EXPH5: variants seen among roughly 807,000 people sequenced by gnomAD.
The protein encoded by EXPH5 is exophilin 5, also known as exophilin-5.
In EXPH5, 42 loss-of-function variants were observed where a neutral mutation model predicts 41.1. That is an observed-to-expected ratio of 1.02 (90% CI 0.80 to 1.32). EXPH5 has a LOEUF of 1.32. Among genes scored for constraint, EXPH5 ranks in the 40% most tolerant of loss-of-function variants. EXPH5 has a pLI of 0.00. For synonymous variants in EXPH5, 798 were observed against 833.5 expected (o/e 0.96, Z 0.73); for missense variants, 2,298 against 2,314.5 (o/e 0.99, Z 0.15).
In EXPH5 at chr11:108,512,913, T is replaced by C. The variant is rs541619389; in HGVS notation, c.2594A>G (p.Lys865Arg). The C allele has an allele frequency of 1.2e-6, 2 of 1,613,664 alleles. No individual in the cohort carries two copies. Among genetic ancestry groups the C allele is most frequent in the Non-Finnish European group, 1.7e-6 (2 of 1,179,800 alleles). ...DTQNAQYSKC[K>R]LTPGHKTSCD... is the part of the protein sequence containing the mutation. ...CGAGGTCTTGTGGCCAGGAGTTAAC[T>C]TGCATTTTGAGTATTGTGCATTTTG... The change falls in exon 6 of 6, where the codon AAG becomes AGG. Residue 865 changes from lysine (K) to arginine (R), a missense_variant. By Grantham distance (26) the Lys-to-Arg change is conservative. Coordinates refer to ENST00000265843, the MANE Select transcript of EXPH5 (RefSeq NM_015065.3).
chr11:108,580,455 G>A (rs1320659739), intron 1 of EXPH5, among the ~76,000 whole-genome samples: 1 of 152,170 alleles, frequency 6.6e-6, no homozygotes, highest in Non-Finnish European at 1.5e-5. Flanking sequence ...TACACTGTTG[G>A]TGGGGAATGC....
the EXPH5 span, among the ~76,000 whole-genome samples, chr11:108,607,447 C>A: frequency 6.6e-6 from 1 of 152,156 alleles, no homozygotes; most frequent in Non-Finnish European, 1.5e-5. Context: ...ATCAGAGCAT[C>A]AAACAATTGG....
At chr11:108,535,676 T>C (rs2093874994) in intron 3 of EXPH5, among the ~76,000 whole-genome samples, 1 of 152,232 alleles carries the variant, frequency 6.6e-6, no homozygotes, top group South Asian at 2.1e-4. Context: ...TTTTTACTTA[T>C]GTAATCTAGA....
chr11:108,511,878 G>C lies in EXPH5; in HGVS notation c.3629C>G (p.Pro1210Arg). ...TGACAAGTCTGAGCAAAAAGGTAAA[G>C]GGTCTTCATTTGAAAGAGCAAATAC... is the stretch of plus-strand genomic sequence containing the variant. ...RSVFALSNED[P>R]LPFCSDLSGK... The change falls in exon 6 of 6, where the codon CCT becomes CGT. Residue 1210 changes from proline to arginine, a missense_variant. Transcript: ENST00000265843. The C allele has an allele frequency of 1.3e-6, 2 of 1,589,006 alleles. No homozygotes were observed. The highest frequency in any genetic ancestry group is 1.7e-4 in the Middle Eastern group (1 of 5,900).
chr11:108,573,060 T>C (rs1236732734), intron 1 of EXPH5, among the ~76,000 whole-genome samples: 2 of 112,144 alleles, frequency 1.8e-5, no homozygotes, highest in African/African-American at 6.8e-5. Context: ...AAAAAAATGT[T>C]GAAAAAAATA....
intron 1 of EXPH5, among the ~76,000 whole-genome samples, chr11:108,553,804 G>A (rs1419491912): frequency 6.6e-6 from 1 of 152,176 alleles, no homozygotes; most frequent in Non-Finnish European, 1.5e-5. Context: ...ATAAGTGCAA[G>A]ATGTGATCCT....
intron 1 of EXPH5, among the ~76,000 whole-genome samples, chr11:108,566,435 GTTTGT>G (rs1315939315): frequency 1.3e-5 from 2 of 152,076 alleles, no homozygotes; most frequent in Admixed American, 6.5e-5. Flanking sequence ...TTTTTGTTTT[GTTTGT>G]TTTAAGTGGT....
chr11:108,514,167 T>C lies in EXPH5; in HGVS notation c.1340A>G (p.Asn447Ser). 3.7e-6 allele frequency: 6 copies of C among 1,614,076 alleles called. No individual in the cohort carries two copies. Among genetic ancestry groups the C allele is most frequent in the Non-Finnish European group, 5.1e-6 (6 of 1,179,980 alleles). Reference sequence around the variant, plus strand: ...GTTGCTTTGATGGTAGAATGGCATGTTCTCTGAGTTCTCAAAAGTGTCGGG... The same window carrying C: ...GTTGCTTTGATGGTAGAATGGCATGCTCTCTGAGTTCTCAAAAGTGTCGGG... Reference protein sequence around the residue: ...MSPDTFENSENMPFYHQSNTF... With the variant: ...MSPDTFENSESMPFYHQSNTF... Residue 447 changes from asparagine to serine, a missense_variant, in exon 6 of 6, where the codon AAC becomes AGC. Physicochemically the swap from Asn to Ser is conservative, Grantham distance 46. Coordinates refer to ENST00000265843, the MANE Select transcript of EXPH5 (RefSeq NM_015065.3).
chr11:108,571,483 C>T (rs990083210), intron 1 of EXPH5, among the ~76,000 whole-genome samples: 1 of 152,146 alleles, frequency 6.6e-6, no homozygotes, highest in Non-Finnish European at 1.5e-5. Context: ...AGAATTCCGC[C>T]TGCTTTTTCT....
chr11:108,530,781 G>A (rs2093832417), intron 3 of EXPH5, among the ~76,000 whole-genome samples: 1 of 152,136 alleles, frequency 6.6e-6, no homozygotes, highest in Non-Finnish European at 1.5e-5. Flanking sequence ...AGCACAGCTG[G>A]GATGCTACCA....
intron 1 of EXPH5, among the ~76,000 whole-genome samples, chr11:108,585,262 C>T (rs374419293): frequency 1.1e-4 from 17 of 152,160 alleles, no homozygotes; most frequent in Admixed American, 2.0e-4. Flanking sequence ...CAAATGCTGG[C>T]AAGACTAAAG....
At chr11:108,558,297 C>G (rs1293455782) in intron 1 of EXPH5, among the ~76,000 whole-genome samples, 4 of 152,158 alleles carry the variant, frequency 2.6e-5, no homozygotes, top group African/African-American at 9.7e-5. Context: ...ACTATGTTGC[C>G]CTGGCTAGCC....
At chr11:108,518,523 T>C in intron 4 of EXPH5, 150 bp from the exon 5 acceptor site, 1 of 729,420 alleles carries the variant, frequency 1.4e-6, no homozygotes, top group African/African-American at 1.8e-5. Flanking sequence ...ATTTATAATG[T>C]GTTGTTTTTG....
chr11:108,533,149 A>G (rs763136220), intron 3 of EXPH5, among the ~76,000 whole-genome samples: 15 of 151,710 alleles, frequency 9.9e-5, no homozygotes, highest in Admixed American at 2.6e-4. Context: ...TTTCATCTCT[A>G]CTTCTTTCTC....
chr11:108,593,550 T>A lies in EXPH5; in HGVS notation c.-14A>T, dbSNP rs774209136. On this transcript the variant is annotated 5_prime_UTR_variant, in exon 1 of 6. Coordinates refer to ENST00000265843, the MANE Select transcript of EXPH5 (RefSeq NM_015065.3). ...AACTTTCGTCATTTTCTTTACTGTG[T>A]GTGAGTTACACTTAAGCTCCTTGGC... 19 of 1,614,080 alleles carry A rather than the reference T, an allele frequency of 1.2e-5. No homozygotes were observed. In the African/African-American group the frequency reaches 2.4e-4, roughly 20 times the overall value.
Position 108,525,222 on chromosome 11 carries a change from T to A in EXPH5, c.492+2914A>T, listed in dbSNP as rs901261204. On this transcript the variant is annotated intron_variant, in intron 4 of 5. Transcript: ENST00000265843. ...TCTTTAAATTACCCAGTCTTGGGTATCTCTTTATCAGCAGCATGAAAACAA... is the reference window on the plus strand; with the variant it reads ...TCTTTAAATTACCCAGTCTTGGGTAACTCTTTATCAGCAGCATGAAAACAA... Among the ~76,000 whole-genome samples the A allele has an allele frequency of 2.6e-5, 4 of 152,174 alleles. No individual in the cohort carries two copies. In the East Asian group the frequency reaches 7.7e-4, roughly 29 times the overall value.
At chr11:108,576,610 T>C (rs2094080489) in intron 1 of EXPH5, among the ~76,000 whole-genome samples, 1 of 152,246 alleles carries the variant, frequency 6.6e-6, no homozygotes, top group Non-Finnish European at 1.5e-5. Context: ...TTTTTATGGA[T>C]ATATAGTAGT....
intron 1 of EXPH5, among the ~76,000 whole-genome samples, chr11:108,570,301 C>A (rs575412159): frequency 8.5e-5 from 13 of 152,118 alleles, no homozygotes; most frequent in Non-Finnish European, 1.9e-4. Context: ...GTCTCCCAGG[C>A]TGGAGTGCAG....
chr11:108,604,086 T>C, the EXPH5 span, among the ~76,000 whole-genome samples: 10 of 152,060 alleles, frequency 6.6e-5, no homozygotes, highest in African/African-American at 2.4e-4. Context: ...AGTTGGTTTT[T>C]CTACATTTAA....
Sources: gnomAD v4.1 joint callset for allele counts (sites outside exome capture counted in the v4.1 genomes callset) on GRCh38, gnomAD v4.1.1 for gene constraint, MANE v1.5 for transcripts, NCBI Gene and HGNC (gene_info 2026-07-23, HGNC 2026-07-21) for gene names.